Variants in DNAH14 observed in about 807,000 individuals in gnomAD.
DNAH14 encodes the protein dynein axonemal heavy chain 14, also known as axonemal beta dynein heavy chain 14.
A neutral mutation model predicts 520.9 loss-of-function variants in DNAH14; 478 were observed. The observed-to-expected ratio is 0.92, with a 90% confidence interval of 0.85 to 0.99. The LOEUF (loss-of-function observed/expected upper bound fraction) is 0.99, where lower values mean the gene tolerates loss of function less well. Ranked by LOEUF, DNAH14 falls within the 50% of genes least tolerant of loss-of-function variation. The probability of loss-of-function intolerance (pLI) is 0.00; values close to 1 mark genes in which losing one functional copy is unlikely to be tolerated. For missense variants in DNAH14, 4,831 were observed against 5,234.5 expected (o/e 0.92, Z 2.38); for synonymous variants, 1,581 against 1,757.2 (o/e 0.90, Z 2.51).
chr1:224,968,635 A>G (rs912862278), intron 6 of DNAH14, 124 bp from the exon 7 acceptor site: 9 of 605,334 alleles, frequency 1.5e-5, no homozygotes, highest in Non-Finnish European at 2.4e-5. Context: ...ACATAGAAAA[A>G]GCTTAATTAT....
chr1:225,080,808 A>T, intron 19 of DNAH14, 60 bp downstream of exon 19: 1 of 1,444,634 alleles, frequency 6.9e-7, no homozygotes. Context: ...GCCTTTGGAC[A>T]TCAAGAGCAT....
At position 225,165,574 on chromosome 1, in the gene DNAH14, G is replaced by T. The variant is rs12060040; in HGVS notation, c.5446-2365G>T. 1.7e-3 allele frequency among the ~76,000 whole-genome samples: 240 copies of T among 144,784 alleles called. 1 individual carries two copies. Among genetic ancestry groups the T allele is most frequent in the African/African-American group, 4.7e-3 (172 of 36,356 alleles). The allele number at this position is 144,784 out of a possible 152,430, so 95.0% of individuals were successfully genotyped here. On this transcript the variant is annotated intron_variant, in intron 35 of 85. Coordinates refer to ENST00000682510, the MANE Select transcript of DNAH14 (RefSeq NM_001367479.1). ...TTTTTTTTTTTTACTTGTTTGTTTG[G>T]TTGGTTGGTTGGTTGGTTGGTTGGT...
intron 46 of DNAH14, among the ~76,000 whole-genome samples, chr1:225,263,911 A>G (rs1005513320): frequency 6.6e-5 from 10 of 152,072 alleles, no homozygotes; most frequent in African/African-American, 2.4e-4. Flanking sequence ...CATTTTATAA[A>G]GGGATAAGTA....
At chr1:225,217,717 TCTC>T (rs1461254739) in intron 41 of DNAH14, among the ~76,000 whole-genome samples, 3 of 152,162 alleles carry the variant, frequency 2.0e-5, no homozygotes, top group Non-Finnish European at 2.9e-5. Flanking sequence ...CTGGATATAA[TCTC>T]CTGGTGTGCC....
intron 43 of DNAH14, 101 bp downstream of exon 43, chr1:225,240,923 G>A: frequency 1.1e-6 from 1 of 925,958 alleles, no homozygotes; most frequent in Admixed American, 2.9e-5. Flanking sequence ...AAAATGTTAA[G>A]ATTGAAGGAA....
At chr1:225,001,094 T>C (rs1321922533) in intron 8 of DNAH14, among the ~76,000 whole-genome samples, 1 of 149,390 alleles carries the variant, frequency 6.7e-6, no homozygotes, top group Non-Finnish European at 1.5e-5. Flanking sequence ...GTCCTTTAGC[T>C]AGGCAATGGA....
chr1:225,174,396 A>G (rs894517019), intron 36 of DNAH14, among the ~76,000 whole-genome samples: 2 of 152,110 alleles, frequency 1.3e-5, no homozygotes, highest in Non-Finnish European at 2.9e-5. Flanking sequence ...TGTTTTGTAG[A>G]GATCTTTCAC....
chr1:224,952,551 A>C (rs2060246470), intron 1 of DNAH14, 119 bp from the exon 2 acceptor site: 1 of 484,322 alleles, frequency 2.1e-6, no homozygotes, highest in South Asian at 4.3e-5. Flanking sequence ...AAAGGCAGTC[A>C]GGATATTATA....
chr1:224,975,828 A>G (rs916859285), intron 8 of DNAH14, among the ~76,000 whole-genome samples: 2 of 151,268 alleles, frequency 1.3e-5, no homozygotes, highest in African/African-American at 4.9e-5. Context: ...TAGGGTGTCA[A>G]TTTTGGATCT....
chr1:225,094,656 C>CAAAAAAAAAAAAAAAAAAAAAAA (rs760828776), intron 21 of DNAH14, among the ~76,000 whole-genome samples: 11 of 77,848 alleles, frequency 1.4e-4, no homozygotes, highest in East Asian at 6.4e-4. Flanking sequence ...TTCTGCACAG[C>CAAAAAAAAAAAAAAAAAAAAAAA]AAAAAAAAAA....
chr1:225,185,716 ATT>A (rs1445627724), intron 37 of DNAH14, among the ~76,000 whole-genome samples: 3 of 151,622 alleles, frequency 2.0e-5, no homozygotes, highest in South Asian at 2.1e-4. Context: ...CATGAAAATA[ATT>A]TTGTCTTTTT....
In DNAH14 at chr1:225,147,198, T is replaced by C; in HGVS notation, c.4889T>C (p.Ile1630Thr). The change falls in exon 31 of 86, where the codon ATT becomes ACT. Residue 1630 changes from isoleucine (I) to threonine (T), a missense_variant. Coordinates refer to ENST00000682510, the MANE Select transcript of DNAH14 (RefSeq NM_001367479.1). ...ATTGATTTGGAAGTTCTCTCTGTCA[T>C]TGCCTCACAGATCCTAACAATTAAG... Reference protein sequence around the residue: ...NLIDLEVLSVIASQILTIKAA... With the variant: ...NLIDLEVLSVTASQILTIKAA... The C allele has an allele frequency of 6.4e-7, 1 of 1,551,136 alleles. No homozygotes were observed. The highest frequency in any genetic ancestry group is 8.7e-7 in the Non-Finnish European group (1 of 1,146,742).
chr1:225,296,136 G>T (rs2094001035), intron 55 of DNAH14, among the ~76,000 whole-genome samples: 2 of 152,096 alleles, frequency 1.3e-5, no homozygotes, highest in African/African-American at 4.8e-5. Context: ...GTCTTTACAA[G>T]TGTGGTGAAT....
chr1:225,212,367 C>T (rs537047738), intron 41 of DNAH14, among the ~76,000 whole-genome samples: 11 of 152,158 alleles, frequency 7.2e-5, no homozygotes, highest in Admixed American at 6.5e-5. Flanking sequence ...AATAAACATA[C>T]GTGTGCATGT....
chr1:224,967,353 T>TC, intron 5 of DNAH14, 78 bp from the exon 6 acceptor site: 1 of 999,836 alleles, frequency 1.0e-6, no homozygotes, highest in Admixed American at 3.0e-5. Context: ...TAGTGGGTAA[T>TC]CTGTTCACCC....
chr1:225,078,851 TCTCTCTCC>T (rs1558883998), intron 17 of DNAH14, among the ~76,000 whole-genome samples: 16 of 45,044 alleles, frequency 3.6e-4, no homozygotes, highest in African/African-American at 1.6e-3. Flanking sequence ...TCCCTCTCTC[TCTCTCTCC>T]CTCTCTCTCT....
At chr1:225,154,169 G>A (rs1415296947) in intron 34 of DNAH14, among the ~76,000 whole-genome samples, 1 of 151,324 alleles carries the variant, frequency 6.6e-6, no homozygotes, top group African/African-American at 2.4e-5. Flanking sequence ...ACTCAAATGA[G>A]GAAAACTTAA....
intron 53 of DNAH14, among the ~76,000 whole-genome samples, chr1:225,276,591 G>C (rs1453456686): frequency 6.6e-6 from 1 of 152,034 alleles, no homozygotes; most frequent in East Asian, 1.9e-4. Context: ...TACTTGCCAA[G>C]ACAGAACAAT....
Position 225,271,979 on chromosome 1 carries a change from C to A in DNAH14, c.7745C>A (p.Ser2582Tyr), listed in dbSNP as rs1483808466. 8.4e-6 allele frequency: 13 copies of A among 1,550,514 alleles called. No homozygotes were observed. The East Asian group carries it at 3.2e-4, about 38-fold the overall frequency. The part of the protein sequence containing the change: ...EVQKSKDQII[S>Y]CSLAIYHQVR... Reference sequence around the variant, plus strand: ...CAGAAAAGTAAGGATCAGATAATATCTTGTTCCCTAGCTATATACCATCAA... The same window carrying A: ...CAGAAAAGTAAGGATCAGATAATATATTGTTCCCTAGCTATATACCATCAA... Residue 2582 changes from serine to tyrosine, a missense_variant, in exon 51 of 86, where the codon TCT becomes TAT. By Grantham distance (144) the Ser-to-Tyr change is moderately radical. Coordinates refer to ENST00000682510, the MANE Select transcript of DNAH14 (RefSeq NM_001367479.1).
Sources: allele counts gnomAD v4.1 joint callset (sites outside exome capture counted in the v4.1 genomes callset), GRCh38; gene constraint gnomAD v4.1.1; transcripts MANE v1.5; gene names NCBI Gene and HGNC (gene_info 2026-07-23, HGNC 2026-07-21).